The following NEMP2 variants were observed in gnomAD, a reference collection of about 807,000 sequenced individuals.
The protein encoded by NEMP2 is nuclear envelope integral membrane protein 2.
A neutral mutation model predicts 54.2 loss-of-function variants in NEMP2; 53 were observed. The observed-to-expected ratio is 0.98, with a 90% CI of 0.78 to 1.23. NEMP2 has a LOEUF of 1.23. Among genes scored for constraint, NEMP2 ranks in the 50% most tolerant of loss-of-function variants. NEMP2 has a pLI of 0.00. For missense variants in NEMP2, 455 were observed against 511.3 expected, an observed-to-expected ratio of 0.89 and a Z score of 1.06; for synonymous variants, 197 against 190.3, an observed-to-expected ratio of 1.04 and a Z score of -0.29.
the NEMP2 span, among the ~76,000 whole-genome samples, chr2:190,592,691 G>C: frequency 6.6e-6 from 1 of 151,982 alleles, no homozygotes; most frequent in Non-Finnish European, 1.5e-5. The surrounding 1 kb of genome is among the most constrained non-coding windows in gnomAD (Gnocchi z 4.4). Flanking sequence ...AAAACCTAGA[G>C]ACAGGCTCTT....
At chr2:190,481,567 G>A in the NEMP2 span, among the ~76,000 whole-genome samples, 22,438 of 152,188 alleles carry the variant, frequency 0.15, 1,868 homozygotes, top group Middle Eastern at 0.22. Context: ...CTCAGTCTGC[G>A]TCCCCTTTAG....
At chr2:190,503,532 C>G (rs1690110805), downstream of NEMP2, among the ~76,000 whole-genome samples, 1 of 152,164 alleles carries the variant, frequency 6.6e-6, no homozygotes, top group Non-Finnish European at 1.5e-5. The surrounding 1 kb of genome is among the most constrained non-coding windows in gnomAD (Gnocchi z 6.3). Context: ...GGCCTGTTTC[C>G]TCAGCTTCAG....
At chr2:190,432,075 A>G in the NEMP2 span, among the ~76,000 whole-genome samples, 1 of 152,128 alleles carries the variant, frequency 6.6e-6, no homozygotes, top group Non-Finnish European at 1.5e-5. Context: ...ATGTCTTATA[A>G]TCCTTGGTAA....
the NEMP2 span, among the ~76,000 whole-genome samples, chr2:190,597,005 G>A: frequency 6.6e-6 from 1 of 152,080 alleles, no homozygotes; most frequent in Admixed American, 6.6e-5. The surrounding 1 kb of genome is among the most constrained non-coding windows in gnomAD (Gnocchi z 4.7). Flanking sequence ...GCTCACACGT[G>A]TATCCCAGCA....
the NEMP2 span, among the ~76,000 whole-genome samples, chr2:190,432,865 CACTT>C: frequency 2.0e-5 from 3 of 148,038 alleles, no homozygotes; most frequent in South Asian, 6.7e-4. Context: ...CTCTTTCACT[CACTT>C]ACTCACACAT....
At chr2:190,429,739 C>G in the NEMP2 span, among the ~76,000 whole-genome samples, 1 of 151,966 alleles carries the variant, frequency 6.6e-6, no homozygotes, top group African/African-American at 2.4e-5. Context: ...ATGTTTTCTT[C>G]TAAAAGCTAT....
Position 190,519,056 on chromosome 2 carries a change from G to C in NEMP2, c.341C>G (p.Ser114Cys), listed in dbSNP as rs1485034731. ...VIHNFWIPKE[S>C]NEITIIINPY... ...ATTGATGATTATGGTTATTTCGTTA[G>C]ATTCCTTTGGTATCCAAAAGTTATG... Residue 114 changes from serine to cysteine, a missense_variant, in exon 3 of 9, where the codon TCT (serine) becomes TGT (cysteine). By Grantham distance (112) the Ser-to-Cys change is moderately radical (BLOSUM62 -1). Coordinates refer to ENST00000409150, the MANE Select transcript of NEMP2 (RefSeq NM_001142645.2). This position sits in a 1 kb window ranked among gnomAD's most constrained non-coding sequence, Gnocchi z 5.4. 1.3e-6 allele frequency: 2 copies of C among 1,550,938 alleles called. No homozygotes were observed. Among genetic ancestry groups the C allele is most frequent in the African/African-American group, 2.7e-5 (2 of 72,970 alleles).
At chr2:190,465,225 T>G in the NEMP2 span, among the ~76,000 whole-genome samples, 1 of 152,216 alleles carries the variant, frequency 6.6e-6, no homozygotes, top group East Asian at 1.9e-4. This position sits in a 1 kb window ranked among gnomAD's most constrained non-coding sequence, Gnocchi z 4.6. Flanking sequence ...GGTAGTGTTT[T>G]CTGCTGCATC....
intron 6 of NEMP2, 21 bp downstream of exon 6, chr2:190,516,249 A>AT: frequency 6.7e-7 from 1 of 1,503,174 alleles, no homozygotes; most frequent in Non-Finnish European, 9.0e-7. Flanking sequence ...CACAGAGCAT[A>AT]TTGTTTTTCT....
chr2:190,623,685 C>T, the NEMP2 span, among the ~76,000 whole-genome samples: 4 of 152,130 alleles, frequency 2.6e-5, no homozygotes, highest in Non-Finnish European at 5.9e-5. Context: ...AAAGACAAAT[C>T]TAAGACCTAA....
At chr2:190,634,901 C>T in the NEMP2 span, among the ~76,000 whole-genome samples, 3 of 152,200 alleles carry the variant, frequency 2.0e-5, no homozygotes, top group Admixed American at 2.0e-4. The surrounding 1 kb of genome is among the most constrained non-coding windows in gnomAD (Gnocchi z 6.8). Flanking sequence ...GCTGATGTGG[C>T]AGGGAGAGAC....
At chr2:190,488,069 AT>A in the NEMP2 span, among the ~76,000 whole-genome samples, 313 of 152,138 alleles carry the variant, frequency 2.1e-3, no homozygotes, top group Non-Finnish European at 3.5e-3. This position sits in a 1 kb window ranked among gnomAD's most constrained non-coding sequence, Gnocchi z 6.4. Flanking sequence ...CGCCAGGCTA[AT>A]TTTTTGTATT....
the NEMP2 span, chr2:190,626,587 G>C: frequency 6.6e-6 from 1 of 152,194 alleles, no homozygotes; most frequent in Non-Finnish European, 1.5e-5. The surrounding 1 kb of genome is among the most constrained non-coding windows in gnomAD (Gnocchi z 4.5). Flanking sequence ...CAACACTCCT[G>C]TGGGTGGCAG....
the NEMP2 span, among the ~76,000 whole-genome samples, chr2:190,564,767 C>T: frequency 9.9e-5 from 15 of 152,174 alleles, no homozygotes; most frequent in Non-Finnish European, 7.3e-5. This position sits in a 1 kb window ranked among gnomAD's most constrained non-coding sequence, Gnocchi z 4.2. Flanking sequence ...GCTGGATTCT[C>T]GCTAAAGATG....
Position 190,521,666 on chromosome 2 carries a change from T to A in NEMP2, c.214-2483A>T, listed in dbSNP as rs1355768660. Among the ~76,000 whole-genome samples, 1 of 152,206 alleles carries A rather than the reference T, an allele frequency of 6.6e-6. No homozygotes were observed. Among genetic ancestry groups the A allele is most frequent in the Non-Finnish European group, 1.5e-5 (1 of 68,030 alleles). On this transcript the variant is annotated intron_variant, in intron 2 of 8. Coordinates refer to ENST00000409150, the MANE Select transcript of NEMP2 (RefSeq NM_001142645.2). This position sits in a 1 kb window ranked among gnomAD's most constrained non-coding sequence, Gnocchi z 6.2. ...TCCCTTTAATCCACTTCAATCAGGA[T>A]TTCATTCCTAAAAGGCCACCCTGAC...
the NEMP2 span, among the ~76,000 whole-genome samples, chr2:190,472,074 C>A: frequency 6.6e-6 from 1 of 152,126 alleles, no homozygotes; most frequent in African/African-American, 2.4e-5. Flanking sequence ...GATATCCACA[C>A]CAAAACCCCA....
chr2:190,426,299 A>G, the NEMP2 span, among the ~76,000 whole-genome samples: 1 of 152,086 alleles, frequency 6.6e-6, no homozygotes, highest in Non-Finnish European at 1.5e-5. The surrounding 1 kb of genome is among the most constrained non-coding windows in gnomAD (Gnocchi z 4.7). Context: ...TCACTCATTA[A>G]TCCCTCTGTC....
intron 7 of NEMP2, among the ~76,000 whole-genome samples, chr2:190,511,931 T>C (rs1022586797): frequency 6.0e-5 from 9 of 150,742 alleles, no homozygotes; most frequent in African/African-American, 1.9e-4. Context: ...GATTTTGAAA[T>C]ATAAATGAGC....
At chr2:190,616,488 T>C in the NEMP2 span, among the ~76,000 whole-genome samples, 2 of 152,248 alleles carry the variant, frequency 1.3e-5, no homozygotes, top group African/African-American at 4.8e-5. The surrounding 1 kb of genome is among the most constrained non-coding windows in gnomAD (Gnocchi z 5.1). Flanking sequence ...TAAAACTAAA[T>C]TTTTCTCAAG....
Sources: allele counts gnomAD v4.1 joint callset (sites outside exome capture counted in the v4.1 genomes callset), GRCh38; gene constraint gnomAD v4.1.1; non-coding constraint Gnocchi (gnomAD v3.1); transcripts MANE v1.5; gene names NCBI Gene and HGNC (gene_info 2026-07-23, HGNC 2026-07-21).